C2CD3: variants seen among roughly 807,000 people sequenced by gnomAD.
C2CD3 encodes the protein C2 domain containing 3 centriole elongation regulator.
Under a neutral mutation model 234.0 loss-of-function variants are expected in C2CD3, and 148 were observed. The observed-to-expected ratio is 0.63, with a 90% CI of 0.55 to 0.72. The LOEUF (loss-of-function observed/expected upper bound fraction) is 0.72, where lower values mean the gene tolerates loss of function less well. C2CD3 is among the 30% of genes least tolerant of loss of function. The probability of loss-of-function intolerance (pLI) is 0.00; values close to 1 mark genes in which losing one functional copy is unlikely to be tolerated. For synonymous variants in C2CD3, 1,000 were observed against 1,035.4 expected (o/e 0.97, Z 0.66); for missense variants, 2,577 against 2,811.5 (o/e 0.92, Z 1.89).
At position 74,067,525 on chromosome 11, in the gene C2CD3, G is replaced by A. The variant is rs114198428; in HGVS notation, c.4951+6728C>T. 1.4e-3 allele frequency among the ~76,000 whole-genome samples: 198 copies of A among 143,118 alleles called. 3 individuals are homozygous for A. Among genetic ancestry groups the A allele is most frequent in the African/African-American group, 5.1e-3 (166 of 32,610 alleles). The allele number at this position is 143,118 out of a possible 152,430, so 93.9% of individuals were successfully genotyped here. A position where few individuals can be genotyped will look rare whatever the true frequency, so the allele number is the denominator to read the frequency against. ...TTTTTAAGGCTAGTCAAGGGAAGCA[G>A]TAGGAGTTACAGCATATTTTTGAAA... On this transcript the variant is annotated intron_variant, in intron 24 of 32. Coordinates refer to ENST00000334126, the MANE Select transcript of C2CD3 (RefSeq NM_001286577.2).
In C2CD3 at chr11:74,033,375, G is replaced by A. The variant is rs1387969007; in HGVS notation, c.6785C>T (p.Thr2262Met). ...RQRQVTTGSE[T>M]STKQSLLLPG... ...CAGCAGGAGGCTCTGCTTTGTGGACGTCTCTGATCCAGTTGTCACCTGCCT... is the reference window on the plus strand; with the variant it reads ...CAGCAGGAGGCTCTGCTTTGTGGACATCTCTGATCCAGTTGTCACCTGCCT... The change falls in exon 31 of 33, where the codon ACG (threonine) becomes ATG (methionine). Residue 2262 changes from threonine (T) to methionine (M), a missense_variant. Coordinates refer to ENST00000334126, the MANE Select transcript of C2CD3 (RefSeq NM_001286577.2). 55 of 1,535,894 alleles carry A rather than the reference G, an allele frequency of 3.6e-5. No homozygotes were observed. Among genetic ancestry groups the A allele is most frequent in the East Asian group, 4.9e-5 (2 of 40,926 alleles).
intron 29 of C2CD3, 81 bp from the exon 30 acceptor site, chr11:74,037,779 C>T (rs1000952161): frequency 1.1e-5 from 12 of 1,080,020 alleles, no homozygotes; most frequent in Middle Eastern, 2.2e-4. Flanking sequence ...TGGACACTAC[C>T]GCTTGAGCCA....
At chr11:74,133,604 A>G (rs1267929409) in intron 5 of C2CD3, 47 bp from the exon 6 acceptor site, 1 of 1,601,638 alleles carries the variant, frequency 6.2e-7, no homozygotes, top group Non-Finnish European at 8.5e-7. Context: ...AATGCAGCAG[A>G]AACATTTGGA....
intron 8 of C2CD3, 119 bp from the exon 9 acceptor site, chr11:74,118,501 G>C: frequency 1.6e-6 from 1 of 624,712 alleles, no homozygotes; most frequent in Non-Finnish European, 2.7e-6. Flanking sequence ...CTTAAAGAAA[G>C]AACTGACACC....
At chr11:74,110,346 A>G (rs921275789) in intron 11 of C2CD3, among the ~76,000 whole-genome samples, 2 of 152,206 alleles carry the variant, frequency 1.3e-5, no homozygotes, top group Non-Finnish European at 2.9e-5. Flanking sequence ...GACCCATTTT[A>G]ACCTACTGAT....
At chr11:74,014,661 C>T (rs972550954) in intron 32 of C2CD3, among the ~76,000 whole-genome samples, 7 of 152,178 alleles carry the variant, frequency 4.6e-5, no homozygotes, top group South Asian at 2.1e-4. Context: ...AACAGAACTC[C>T]GTTTTAGGCT....
intron 24 of C2CD3, among the ~76,000 whole-genome samples, chr11:74,059,376 AC>A (rs896550731): frequency 1.5e-5 from 2 of 137,018 alleles, no homozygotes; most frequent in Non-Finnish European, 3.0e-5. Flanking sequence ...GCACCACTGC[AC>A]TCCAGCCTGG....
chr11:74,145,819 TTTTC>T (rs1168547718), intron 3 of C2CD3, among the ~76,000 whole-genome samples: 2 of 152,134 alleles, frequency 1.3e-5, no homozygotes, highest in East Asian at 1.9e-4. Flanking sequence ...TCCCCCAAAT[TTTTC>T]TTTCTAATAA....
rs201409685 is a variant in C2CD3 at position 74,122,946 on chromosome 11, A to G, written c.1365+42T>C. 2.1e-5 allele frequency: 32 copies of G among 1,541,206 alleles called. No homozygotes were observed. In the East Asian group the frequency reaches 7.0e-4, roughly 34 times the overall value. On this transcript the variant is annotated intron_variant, in intron 8 of 32. Coordinates refer to ENST00000334126, the MANE Select transcript of C2CD3 (RefSeq NM_001286577.2). ...CTGCAGCTACTAATATTATTAATAC[A>G]TTTGTTCTCTAATTCTCAATGCTTC...
At chr11:74,095,558 AACT>A (rs997878113) in intron 16 of C2CD3, 150 bp from the exon 17 acceptor site, 1 of 549,980 alleles carries the variant, frequency 1.8e-6, no homozygotes, top group African/African-American at 1.9e-5. Context: ...TAACTCTCAC[AACT>A]ACTCACTGTA....
At chr11:74,082,360 C>T (rs1019324682) in intron 22 of C2CD3, among the ~76,000 whole-genome samples, 14 of 152,030 alleles carry the variant, frequency 9.2e-5, no homozygotes, top group African/African-American at 3.4e-4. Flanking sequence ...TGTGATCCGC[C>T]CACCTCGGCC....
chr11:74,154,450 T>G (rs1855877408), intron 3 of C2CD3, among the ~76,000 whole-genome samples: 1 of 152,010 alleles, frequency 6.6e-6, no homozygotes, highest in Non-Finnish European at 1.5e-5. Flanking sequence ...AGCCAAAGGC[T>G]GGGAATATAA....
intron 32 of C2CD3, among the ~76,000 whole-genome samples, chr11:74,018,026 A>T (rs1433516909): frequency 6.6e-6 from 1 of 152,282 alleles, no homozygotes; most frequent in African/African-American, 2.4e-5. Flanking sequence ...CTGTGGCCCA[A>T]CCTAACTGTC....
chr11:74,145,426 ATTTC>A (rs1177092314), intron 3 of C2CD3, among the ~76,000 whole-genome samples: 1 of 152,060 alleles, frequency 6.6e-6, no homozygotes, highest in African/African-American at 2.4e-5. Context: ...TTGCTTGTAC[ATTTC>A]TTTAAGTTCC....
chr11:74,086,258 T>A (rs912364642), intron 20 of C2CD3, among the ~76,000 whole-genome samples: 4 of 152,214 alleles, frequency 2.6e-5, no homozygotes, highest in African/African-American at 9.7e-5. Context: ...CAGTGAGAAG[T>A]ATCAGAAAGG....
At chr11:74,168,765 C>T (rs1441129827) in intron 1 of C2CD3, 152 bp from the exon 2 acceptor site, 1 of 688,146 alleles carries the variant, frequency 1.5e-6, no homozygotes, top group Non-Finnish European at 2.4e-6. Flanking sequence ...ACCCATTATT[C>T]TAATACATGA....
chr11:74,139,915 C>T (rs1957993487), intron 3 of C2CD3, 87 bp from the exon 4 acceptor site: 2 of 706,970 alleles, frequency 2.8e-6, no homozygotes, highest in South Asian at 3.1e-5. Flanking sequence ...TAATTAATGT[C>T]CCCCATTCCC....
intron 31 of C2CD3, among the ~76,000 whole-genome samples, chr11:74,031,029 TA>T (rs2135410695): frequency 6.6e-6 from 1 of 152,330 alleles, no homozygotes; most frequent in Non-Finnish European, 1.5e-5. Flanking sequence ...GTGTCCTAAC[TA>T]GCCTCCTTGT....
At chr11:74,061,721 A>G (rs1484652049) in intron 24 of C2CD3, among the ~76,000 whole-genome samples, 1 of 152,224 alleles carries the variant, frequency 6.6e-6, no homozygotes, top group Non-Finnish European at 1.5e-5. Context: ...TCGACTAACG[A>G]GCAAAATAAT....
Sources: gnomAD v4.1 joint callset for allele counts (sites outside exome capture counted in the v4.1 genomes callset) on GRCh38, gnomAD v4.1.1 for gene constraint, MANE v1.5 for transcripts, NCBI Gene and HGNC (gene_info 2026-07-23, HGNC 2026-07-21) for gene names.